ABCA12: variants seen among roughly 807,000 people sequenced by gnomAD.
ABCA12 encodes glucosylceramide transporter ABCA12.
Under a neutral mutation model 293.5 loss-of-function variants are expected in ABCA12, and 156 were observed. That is an observed-to-expected ratio of 0.53 (90% confidence interval 0.47 to 0.61). The LOEUF is 0.61. ABCA12 is among the 20% of genes least tolerant of loss of function. ABCA12 has a pLI of 0.00. For synonymous variants in ABCA12, 1,063 were observed against 1,108.0 expected, an observed-to-expected ratio of 0.96 and a Z score of 0.81; for missense variants, 2,797 against 3,090.2, an observed-to-expected ratio of 0.91 and a Z score of 2.25.
At chr2:215,056,251 CT>C in intron 3 of ABCA12, among the ~76,000 whole-genome samples, 1 of 152,202 alleles carries the variant, frequency 6.6e-6, no homozygotes, top group South Asian at 2.1e-4. Context: ...AAAGCTGCAT[CT>C]GCTCCACGGA....
chr2:214,944,139 G>C lies in ABCA12; in HGVS notation c.7343+862C>G, dbSNP rs139725581. 5.3e-5 allele frequency among the ~76,000 whole-genome samples: 8 copies of C among 150,846 alleles called. No individual in the cohort carries two copies. In the East Asian group the frequency reaches 1.6e-3, roughly 29 times the overall value. On this transcript the variant is annotated intron_variant, in intron 49 of 52. Coordinates refer to ENST00000272895, the MANE Select transcript of ABCA12 (RefSeq NM_173076.3). ...GTGAAAAGACCATTTCAGGCCAGGC[G>C]GGGTGGCTCATGCCTGTAATCCCAG...
intron 2 of ABCA12, among the ~76,000 whole-genome samples, chr2:215,099,046 T>C (rs1702300694): frequency 6.6e-6 from 1 of 152,270 alleles, no homozygotes; most frequent in South Asian, 2.1e-4. Flanking sequence ...CCCTTAAATA[T>C]GAGTCAGGCT....
intron 23 of ABCA12, among the ~76,000 whole-genome samples, chr2:214,992,303 A>C (rs544107704): frequency 1.3e-3 from 197 of 151,820 alleles, no homozygotes; most frequent in African/African-American, 4.5e-3. Context: ...ATTAGCCAGG[A>C]GTGGTGGCGG....
At chr2:215,112,807 C>A (rs1343772140) in intron 1 of ABCA12, among the ~76,000 whole-genome samples, 1 of 152,014 alleles carries the variant, frequency 6.6e-6, no homozygotes, top group Non-Finnish European at 1.5e-5. Flanking sequence ...CTGAAATTTT[C>A]ATTAGAGAAT....
chr2:215,110,285 T>C (rs369065275), intron 2 of ABCA12, among the ~76,000 whole-genome samples: 2 of 152,162 alleles, frequency 1.3e-5, no homozygotes, highest in South Asian at 4.1e-4. Context: ...CCGAGGTGGG[T>C]GGATCACAAG....
intron 39 of ABCA12, among the ~76,000 whole-genome samples, chr2:214,965,954 T>C (rs1699247561): frequency 6.6e-6 from 1 of 152,212 alleles, no homozygotes; most frequent in Non-Finnish European, 1.5e-5. Context: ...ACTGCAGTAC[T>C]ATTCACAATA....
At chr2:215,062,459 C>T (rs953216360) in intron 3 of ABCA12, among the ~76,000 whole-genome samples, 7 of 151,946 alleles carry the variant, frequency 4.6e-5, no homozygotes, top group Non-Finnish European at 8.8e-5. Flanking sequence ...ATGTCATTTC[C>T]CCACTCAAAA....
intron 23 of ABCA12, among the ~76,000 whole-genome samples, chr2:214,991,279 A>C (rs1699906602): frequency 6.6e-6 from 1 of 152,198 alleles, no homozygotes; most frequent in Non-Finnish European, 1.5e-5. Flanking sequence ...GTGAGGGTTT[A>C]ATTACAGTTC....
At chr2:215,080,226 A>G (rs1206524516) in intron 2 of ABCA12, among the ~76,000 whole-genome samples, 3 of 152,224 alleles carry the variant, frequency 2.0e-5, no homozygotes, top group Non-Finnish European at 4.4e-5. Context: ...GGCCAGGTGC[A>G]GTGGCTCATG....
chr2:215,134,599 CTATATA>C (rs1161603641), intron 1 of ABCA12, among the ~76,000 whole-genome samples: 15 of 85,272 alleles, frequency 1.8e-4, no homozygotes, highest in Admixed American at 5.6e-4. Context: ...CTCTCTCTCT[CTATATA>C]TATATATATA....
intron 22 of ABCA12, among the ~76,000 whole-genome samples, chr2:214,999,573 C>G (rs1004601457): frequency 2.6e-5 from 4 of 152,168 alleles, no homozygotes; most frequent in Non-Finnish European, 4.4e-5. Flanking sequence ...ATACAGACTG[C>G]ACACCCAGGT....
intron 14 of ABCA12, among the ~76,000 whole-genome samples, chr2:215,017,171 GA>G (rs1271140366): frequency 6.6e-6 from 1 of 152,166 alleles, no homozygotes; most frequent in African/African-American, 2.4e-5. Context: ...AGGCTTTTTA[GA>G]AACTATCCAA....
intron 2 of ABCA12, among the ~76,000 whole-genome samples, chr2:215,072,872 G>A (rs950017614): frequency 2.0e-5 from 3 of 152,142 alleles, no homozygotes; most frequent in South Asian, 2.1e-4. Flanking sequence ...CAAGGTGGGC[G>A]GATCACGAGG....
chr2:214,953,501 A>T (rs1313261603), intron 44 of ABCA12, among the ~76,000 whole-genome samples: 3 of 152,056 alleles, frequency 2.0e-5, no homozygotes, highest in African/African-American at 4.8e-5. Context: ...CTCTTTCCCC[A>T]TTTCTGCCTT....
chr2:215,113,233 G>A (rs1051941849), intron 1 of ABCA12, among the ~76,000 whole-genome samples: 2 of 152,160 alleles, frequency 1.3e-5, no homozygotes, highest in Non-Finnish European at 2.9e-5. Flanking sequence ...CAAGAGTGCT[G>A]CTCTCCTTGC....
chr2:215,095,285 C>A (rs1702227915), intron 2 of ABCA12, among the ~76,000 whole-genome samples: 1 of 152,054 alleles, frequency 6.6e-6, no homozygotes, highest in African/African-American at 2.4e-5. Context: ...TTACACCAAA[C>A]CCCCTTGGGC....
intron 22 of ABCA12, among the ~76,000 whole-genome samples, chr2:215,000,120 C>T (rs1193998119): frequency 6.6e-6 from 1 of 152,100 alleles, no homozygotes; most frequent in Admixed American, 6.5e-5. Flanking sequence ...TGTCTAAAAG[C>T]ATTATTGTTA....
chr2:215,060,243 G>A (rs572918387), intron 3 of ABCA12, among the ~76,000 whole-genome samples: 5 of 152,098 alleles, frequency 3.3e-5, no homozygotes, highest in African/African-American at 1.2e-4. Context: ...CACTTGAACT[G>A]TAAGTTTATA....
At chr2:215,039,796 AC>A (rs1211283873) in intron 7 of ABCA12, among the ~76,000 whole-genome samples, 1 of 151,914 alleles carries the variant, frequency 6.6e-6, no homozygotes, top group Non-Finnish European at 1.5e-5. Flanking sequence ...GTAAAAAGAA[AC>A]AGATGAAATT....
Sources: allele counts gnomAD v4.1 joint callset (sites outside exome capture counted in the v4.1 genomes callset), GRCh38; gene constraint gnomAD v4.1.1; transcripts MANE v1.5; gene names NCBI Gene and HGNC (gene_info 2026-07-23, HGNC 2026-07-21).